Variants in EEIG2 observed in about 807,000 individuals in gnomAD.
EEIG2 encodes the protein EEIG family member 2.
the EEIG2 span, chr1:108,638,382 G>A: frequency 6.6e-6 from 1 of 152,234 alleles, no homozygotes; most frequent in Non-Finnish European, 1.5e-5. Context: ...ACAGCAGTTA[G>A]TTTTAATTAA....
the EEIG2 span, among the ~76,000 whole-genome samples, chr1:108,589,202 G>A: frequency 6.6e-6 from 1 of 152,074 alleles, no homozygotes; most frequent in South Asian, 2.1e-4. Context: ...ACCTCCTCTG[G>A]CACCATTATT....
the EEIG2 span, chr1:108,624,976 A>C: frequency 2.2e-6 from 1 of 451,398 alleles, no homozygotes; most frequent in Non-Finnish European, 4.0e-6. Flanking sequence ...GTATGCATCT[A>C]CTCCCCACAG....
At chr1:108,600,800 T>TGAAACTGCATA in the EEIG2 span, 1 of 1,010,446 alleles carries the variant, frequency 9.9e-7, no homozygotes, top group Non-Finnish European at 1.4e-6. Context: ...GTATATGCAG[T>TGAAACTGCATA]TTCACTTCAT....
the EEIG2 span, among the ~76,000 whole-genome samples, chr1:108,591,474 G>A: frequency 9.2e-5 from 14 of 152,020 alleles, no homozygotes. Flanking sequence ...ATTAAGAAAG[G>A]GCACACAGTC....
the EEIG2 span, among the ~76,000 whole-genome samples, chr1:108,561,806 T>G: frequency 2.0e-5 from 3 of 152,262 alleles, no homozygotes; most frequent in Non-Finnish European, 4.4e-5. Context: ...TTGAAAAGCC[T>G]AAGCCGATTC....
At chr1:108,590,250 A>G in the EEIG2 span, among the ~76,000 whole-genome samples, 35 of 152,282 alleles carry the variant, frequency 2.3e-4, 1 homozygote, top group South Asian at 7.0e-3. Context: ...TTGTGTCACA[A>G]TTTTGTAGAT....
At chr1:108,623,388 G>T in the EEIG2 span, among the ~76,000 whole-genome samples, 2 of 152,254 alleles carry the variant, frequency 1.3e-5, no homozygotes, top group Admixed American at 1.3e-4. Flanking sequence ...CCTGCTAACT[G>T]GGGGACTAAG....
chr1:108,625,804 G>C, the EEIG2 span: 7 of 139,486 alleles, frequency 5.0e-5, no homozygotes, highest in Non-Finnish European at 1.2e-4. Flanking sequence ...GTGTGTGTGT[G>C]TGTGTGTGTG....
At chr1:108,624,979 C>T in the EEIG2 span, 1 of 445,192 alleles carries the variant, frequency 2.2e-6, no homozygotes, top group South Asian at 4.5e-5. Context: ...TGCATCTACT[C>T]CCCACAGGTA....
chr1:108,571,812 C>A, the EEIG2 span, among the ~76,000 whole-genome samples: 1 of 152,124 alleles, frequency 6.6e-6, no homozygotes, highest in Admixed American at 6.5e-5. Context: ...TGTCTCACAC[C>A]CCTCTGCTGA....
the EEIG2 span, among the ~76,000 whole-genome samples, chr1:108,580,777 A>T: frequency 6.6e-6 from 1 of 152,182 alleles, no homozygotes; most frequent in Non-Finnish European, 1.5e-5. Context: ...GCATAGGTTG[A>T]TTCACAGGGC....
At chr1:108,624,736 C>T in the EEIG2 span, 1 of 1,613,676 alleles carries the variant, frequency 6.2e-7, no homozygotes, top group South Asian at 1.1e-5. Flanking sequence ...CAAAGTGCAT[C>T]TTGGAATAGC....
At chr1:108,612,113 T>G in the EEIG2 span, 8 of 1,151,238 alleles carry the variant, frequency 6.9e-6, no homozygotes, top group Admixed American at 2.5e-5. Context: ...GAATATTTAT[T>G]TTAAGGAGCA....
At chr1:108,567,150 GTAATTAAAATAAAAAATTTTT>G in the EEIG2 span, among the ~76,000 whole-genome samples, 1 of 151,952 alleles carries the variant, frequency 6.6e-6, no homozygotes, top group African/African-American at 2.4e-5. Flanking sequence ...ATATAGTTAA[GTAATTAAAATAAAAAATTTTT>G]TAATTAAAAA....
chr1:108,594,098 C>T, the EEIG2 span, among the ~76,000 whole-genome samples: 4 of 152,186 alleles, frequency 2.6e-5, no homozygotes, highest in East Asian at 7.7e-4. Context: ...ATTGAGCCAC[C>T]GTGCCCAGCC....
the EEIG2 span, among the ~76,000 whole-genome samples, chr1:108,586,067 T>C: frequency 6.6e-6 from 1 of 152,110 alleles, no homozygotes; most frequent in African/African-American, 2.4e-5. Context: ...TGTAGCAGTA[T>C]TTTTCACAGT....
chr1:108,575,493 A>G, the EEIG2 span, among the ~76,000 whole-genome samples: 1 of 152,238 alleles, frequency 6.6e-6, no homozygotes, highest in African/African-American at 2.4e-5. Context: ...ATATAATGTC[A>G]CACAAAAATG....
the EEIG2 span, among the ~76,000 whole-genome samples, chr1:108,599,952 C>T: frequency 6.6e-6 from 1 of 152,188 alleles, no homozygotes; most frequent in Admixed American, 6.5e-5. Flanking sequence ...GCGGAGATCA[C>T]ACCACTGCAC....
chr1:108,613,529 T>G, the EEIG2 span, among the ~76,000 whole-genome samples: 1 of 152,164 alleles, frequency 6.6e-6, no homozygotes, highest in Non-Finnish European at 1.5e-5. Context: ...CCCACTTTCC[T>G]AAGAGCCAAC....
Sources: gnomAD v4.1 joint callset for allele counts (sites outside exome capture counted in the v4.1 genomes callset) on GRCh38, gnomAD v4.1.1 for gene constraint, MANE v1.5 for transcripts, NCBI Gene and HGNC (gene_info 2026-07-23, HGNC 2026-07-21) for gene names.